The following LRRC4C variants were observed in gnomAD, a reference collection of about 807,000 sequenced individuals.
The protein encoded by LRRC4C is leucine rich repeat containing 4C, also known as leucine-rich repeat-containing protein 4C.
LRRC4C carries 5 observed loss-of-function variants against 33.6 expected under a neutral mutation model. The ratio of observed to expected loss-of-function variants is 0.15; its 90% CI spans 0.08 to 0.31. The LOEUF is 0.31. Ranked by LOEUF, LRRC4C falls within the 10% of genes least tolerant of loss-of-function variation. LRRC4C has a pLI of 1.00. For synonymous variants in LRRC4C, 329 were observed against 302.0 expected, an observed-to-expected ratio of 1.09 and a Z score of -0.93; for missense variants, 560 against 796.7, an observed-to-expected ratio of 0.70 and a Z score of 3.58.
At chr11:40,704,487 C>T (rs1454907919) in intron 2 of LRRC4C, among the ~76,000 whole-genome samples, 1 of 152,178 alleles carries the variant, frequency 6.6e-6, no homozygotes. Flanking sequence ...GAAATCTCAT[C>T]TCCAACCATG....
chr11:40,782,415 G>T (rs2137286600), intron 2 of LRRC4C, among the ~76,000 whole-genome samples: 1 of 151,630 alleles, frequency 6.6e-6, no homozygotes, highest in South Asian at 2.1e-4. Context: ...AGTCTTCTCT[G>T]GCCCACAGCT....
chr11:40,307,048 G>A (rs1483494698), intron 4 of LRRC4C, among the ~76,000 whole-genome samples: 1 of 137,718 alleles, frequency 7.3e-6, no homozygotes, highest in East Asian at 2.1e-4. Context: ...ATTTTTTTTT[G>A]TTTTTGTTTT....
chr11:40,916,620 C>A (rs1424936694), intron 2 of LRRC4C, among the ~76,000 whole-genome samples: 26 of 151,782 alleles, frequency 1.7e-4, no homozygotes, highest in Admixed American at 1.7e-3. Context: ...ATGGGTTCAG[C>A]ACACCAACAT....
chr11:41,163,301 T>TTTTTTTTTTTTTG (rs71063903), intron 1 of LRRC4C, among the ~76,000 whole-genome samples: 2 of 140,508 alleles, frequency 1.4e-5, no homozygotes, highest in South Asian at 2.4e-4. Context: ...TTTTTTTTTT[T>TTTTTTTTTTTTTG]CAAACAGGGT....
chr11:40,820,074 A>G (rs766563947), intron 2 of LRRC4C, among the ~76,000 whole-genome samples: 10 of 152,088 alleles, frequency 6.6e-5, no homozygotes, highest in Non-Finnish European at 1.2e-4. Flanking sequence ...AGCACATTCT[A>G]TAAAATGTCT....
chr11:40,418,344 C>G (rs796282447), intron 3 of LRRC4C, among the ~76,000 whole-genome samples: 12 of 152,096 alleles, frequency 7.9e-5, no homozygotes, highest in African/African-American at 2.4e-4. Context: ...ATGCACCCAA[C>G]AAACATATGA....
intron 1 of LRRC4C, among the ~76,000 whole-genome samples, chr11:41,336,917 G>C (rs1262488033): frequency 6.6e-6 from 1 of 151,852 alleles, no homozygotes; most frequent in Admixed American, 6.6e-5. Flanking sequence ...ATCAGACACA[G>C]AGAAACAGAG....
intron 2 of LRRC4C, among the ~76,000 whole-genome samples, chr11:40,798,617 A>G (rs558108217): frequency 2.1e-4 from 31 of 151,016 alleles, no homozygotes; most frequent in Non-Finnish European, 3.7e-4. Flanking sequence ...TATCAGTATT[A>G]TATGTTTCTT....
chr11:40,266,938 C>G (rs1590863421), intron 4 of LRRC4C, among the ~76,000 whole-genome samples: 1 of 127,270 alleles, frequency 7.9e-6, no homozygotes. Flanking sequence ...ACACACACCA[C>G]ACCCACCCAC....
chr11:41,303,079 G>GTCCCTCTCCCTT, intron 1 of LRRC4C, among the ~76,000 whole-genome samples: 1 of 104,126 alleles, frequency 9.6e-6, no homozygotes, highest in East Asian at 2.7e-4. Flanking sequence ...TACTGCATTA[G>GTCCCTCTCCCTT]TCCCTCTCCC....
chr11:40,743,240 G>A (rs559351611), intron 2 of LRRC4C, among the ~76,000 whole-genome samples: 3 of 152,160 alleles, frequency 2.0e-5, no homozygotes, highest in Non-Finnish European at 4.4e-5. Context: ...CAAAGGACCA[G>A]GCACTTTGCT....
intron 1 of LRRC4C, among the ~76,000 whole-genome samples, chr11:41,283,491 C>A (rs1225435502): frequency 1.3e-5 from 2 of 152,146 alleles, no homozygotes; most frequent in Non-Finnish European, 2.9e-5. Context: ...AGTATTTTCA[C>A]TTTTGAGTGG....
intron 1 of LRRC4C, among the ~76,000 whole-genome samples, chr11:41,066,654 C>A (rs758610297): frequency 6.6e-6 from 1 of 152,146 alleles, no homozygotes; most frequent in Non-Finnish European, 1.5e-5. Flanking sequence ...ATGTTAATGG[C>A]AGCCAGAGAG....
chr11:40,259,055 A>C (rs576177675), intron 4 of LRRC4C, among the ~76,000 whole-genome samples: 5 of 152,238 alleles, frequency 3.3e-5, no homozygotes, highest in South Asian at 2.1e-4. Flanking sequence ...CTATTTTGCA[A>C]ATGAGGTAGT....
At chr11:41,141,597 C>A (rs1943509549) in intron 1 of LRRC4C, among the ~76,000 whole-genome samples, 2 of 152,042 alleles carry the variant, frequency 1.3e-5, no homozygotes, top group African/African-American at 4.8e-5. Context: ...GGAGCGGTTT[C>A]TTCCATGCTC....
intron 3 of LRRC4C, among the ~76,000 whole-genome samples, chr11:40,356,532 C>A (rs1413002746): frequency 2.6e-5 from 4 of 152,124 alleles, no homozygotes; most frequent in African/African-American, 7.2e-5. Context: ...GGGACTTAAG[C>A]AGTCTGCCAC....
At chr11:40,369,348 TG>T (rs1191145862) in intron 3 of LRRC4C, among the ~76,000 whole-genome samples, 5 of 152,262 alleles carry the variant, frequency 3.3e-5, no homozygotes, top group African/African-American at 1.2e-4. Context: ...TTGTTGTTGT[TG>T]TTTGTTTGTT....
intron 4 of LRRC4C, among the ~76,000 whole-genome samples, chr11:40,306,876 A>G (rs936560902): frequency 6.6e-6 from 1 of 152,186 alleles, no homozygotes; most frequent in Non-Finnish European, 1.5e-5. Context: ...TGTAATCTCA[A>G]AAGATCTCGA....
At chr11:41,385,377 C>A (rs994219446) in intron 1 of LRRC4C, among the ~76,000 whole-genome samples, 1 of 151,284 alleles carries the variant, frequency 6.6e-6, no homozygotes, top group Admixed American at 6.6e-5. Flanking sequence ...AACAACAAAT[C>A]GCAACAAATC....
Sources: gnomAD v4.1 joint callset for allele counts (sites outside exome capture counted in the v4.1 genomes callset) on GRCh38, gnomAD v4.1.1 for gene constraint, MANE v1.5 for transcripts, NCBI Gene and HGNC (gene_info 2026-07-23, HGNC 2026-07-21) for gene names.